Variants in REDIC1 observed in about 807,000 individuals in gnomAD.
REDIC1 encodes regulator of DNA class I crossover intermediates 1.
chr12:39,666,230 A>C, the REDIC1 span, among the ~76,000 whole-genome samples: 1 of 152,084 alleles, frequency 6.6e-6, no homozygotes, highest in African/African-American at 2.4e-5. Context: ...ATTATTTTGA[A>C]ATATGTCCCA....
chr12:39,896,004 A>C, the REDIC1 span, among the ~76,000 whole-genome samples: 1 of 148,318 alleles, frequency 6.7e-6, no homozygotes, highest in East Asian at 2.0e-4. Flanking sequence ...ATGTGTATAT[A>C]TACATGTGTA....
chr12:39,858,371 AG>A, the REDIC1 span, among the ~76,000 whole-genome samples: 1 of 152,220 alleles, frequency 6.6e-6, no homozygotes, highest in Non-Finnish European at 1.5e-5. Flanking sequence ...CATTATTAAT[AG>A]TAACCTCATG....
At chr12:39,669,148 G>C in the REDIC1 span, among the ~76,000 whole-genome samples, 3 of 152,098 alleles carry the variant, frequency 2.0e-5, no homozygotes, top group Admixed American at 6.5e-5. Flanking sequence ...AGAGTTTCCA[G>C]TTTTTCTGCT....
the REDIC1 span, among the ~76,000 whole-genome samples, chr12:39,713,163 G>T: frequency 6.7e-6 from 1 of 149,232 alleles, no homozygotes; most frequent in Non-Finnish European, 1.5e-5. Context: ...ATATACACAC[G>T]TGTATATATG....
the REDIC1 span, among the ~76,000 whole-genome samples, chr12:39,783,192 A>G: frequency 2.6e-5 from 4 of 152,296 alleles, no homozygotes; most frequent in Admixed American, 6.5e-5. Context: ...CCTACGAAGG[A>G]CATGAACTCA....
At chr12:39,657,709 C>A in the REDIC1 span, among the ~76,000 whole-genome samples, 1 of 152,162 alleles carries the variant, frequency 6.6e-6, no homozygotes, top group South Asian at 2.1e-4. Flanking sequence ...TCTTTACCAT[C>A]TGTAGCACTT....
At chr12:39,757,221 A>G in the REDIC1 span, 1 of 151,792 alleles carries the variant, frequency 6.6e-6, no homozygotes, top group Admixed American at 6.6e-5. Context: ...CTAAGACATA[A>G]TATACCTCTA....
chr12:39,757,409 T>C, the REDIC1 span: 1 of 151,784 alleles, frequency 6.6e-6, no homozygotes. Flanking sequence ...TAGCCAAATA[T>C]GCTGGGAACT....
At chr12:39,679,617 C>A in the REDIC1 span, among the ~76,000 whole-genome samples, 57 of 152,224 alleles carry the variant, frequency 3.7e-4, no homozygotes, top group African/African-American at 1.3e-3. Flanking sequence ...ATACCAATAT[C>A]ATTCTTCACA....
At chr12:39,828,598 A>T in the REDIC1 span, among the ~76,000 whole-genome samples, 1 of 152,172 alleles carries the variant, frequency 6.6e-6, no homozygotes, top group Non-Finnish European at 1.5e-5. Context: ...TTTACTACTT[A>T]GTAGAGTTCT....
chr12:39,838,351 G>T, the REDIC1 span, among the ~76,000 whole-genome samples: 37 of 107,830 alleles, frequency 3.4e-4, no homozygotes, highest in Admixed American at 6.3e-4. Flanking sequence ...TGGGGTGGGG[G>T]GAGGGGGGAG....
chr12:39,668,693 A>G, the REDIC1 span, among the ~76,000 whole-genome samples: 5 of 152,184 alleles, frequency 3.3e-5, no homozygotes, highest in Non-Finnish European at 7.3e-5. Flanking sequence ...CAGGTACACC[A>G]ATCAGACATA....
At chr12:39,779,091 G>T in the REDIC1 span, among the ~76,000 whole-genome samples, 7,188 of 152,244 alleles carry the variant, frequency 0.047, 581 homozygotes, top group African/African-American at 0.16. Flanking sequence ...GGCCCCAAGG[G>T]CTGGCATAAG....
At chr12:39,648,268 T>A in the REDIC1 span, among the ~76,000 whole-genome samples, 1 of 151,904 alleles carries the variant, frequency 6.6e-6, no homozygotes, top group Non-Finnish European at 1.5e-5. Flanking sequence ...TATATAGTAG[T>A]TGAAGTTTAT....
chr12:39,626,428 G>C, the REDIC1 span: 1 of 1,593,978 alleles, frequency 6.3e-7, no homozygotes, highest in Non-Finnish European at 8.6e-7. Flanking sequence ...AGTTCCTGGC[G>C]GAGAGGTCAC....
chr12:39,798,567 T>C, the REDIC1 span, among the ~76,000 whole-genome samples: 1 of 152,214 alleles, frequency 6.6e-6, no homozygotes, highest in African/African-American at 2.4e-5. Flanking sequence ...TTCAACTGTT[T>C]CTAACTGTAA....
At chr12:39,790,146 C>A in the REDIC1 span, among the ~76,000 whole-genome samples, 1 of 145,292 alleles carries the variant, frequency 6.9e-6, no homozygotes, top group Admixed American at 6.8e-5. Flanking sequence ...TTTTGACAGA[C>A]TAAGGTTAAT....
the REDIC1 span, among the ~76,000 whole-genome samples, chr12:39,712,804 T>C: frequency 4.8e-5 from 3 of 63,008 alleles, no homozygotes; most frequent in African/African-American, 1.3e-4. Flanking sequence ...TATATATGTG[T>C]ATACTCGTAT....
the REDIC1 span, among the ~76,000 whole-genome samples, chr12:39,838,722 G>C: frequency 6.6e-6 from 1 of 152,072 alleles, no homozygotes; most frequent in African/African-American, 2.4e-5. Flanking sequence ...TGGCACCCAG[G>C]GTCTTGGCCA....
Sources: gnomAD v4.1 joint callset for allele counts (sites outside exome capture counted in the v4.1 genomes callset) on GRCh38, gnomAD v4.1.1 for gene constraint, MANE v1.5 for transcripts, NCBI Gene and HGNC (gene_info 2026-07-23, HGNC 2026-07-21) for gene names.